The following ACTA2 variants were observed in gnomAD, a reference collection of about 807,000 sequenced individuals.
ACTA2 encodes the protein actin, aortic smooth muscle.
Under a neutral mutation model 39.5 loss-of-function variants are expected in ACTA2, and 12 were observed. The ratio of observed to expected loss-of-function variants is 0.30; its 90% CI spans 0.19 to 0.49. ACTA2 has a LOEUF of 0.49. Ranked by LOEUF, ACTA2 falls within the 20% of genes least tolerant of loss-of-function variation. The pLI is 0.99. For missense variants in ACTA2, 236 were observed against 498.8 expected (o/e 0.47, Z 5.02); for synonymous variants, 158 against 180.6 (o/e 0.88, Z 1.00).
chr10:88,979,520 A>G (rs1160013889), intron 1 of ACTA2, among the ~76,000 whole-genome samples: 3 of 152,202 alleles, frequency 2.0e-5, no homozygotes, highest in Non-Finnish European at 2.9e-5. Context: ...AGGCAGCAAT[A>G]ACCCTAATGA....
intron 1 of ACTA2, among the ~76,000 whole-genome samples, chr10:88,965,118 AT>A (rs547627526): frequency 6.6e-6 from 1 of 152,084 alleles, no homozygotes; most frequent in Non-Finnish European, 1.5e-5. Flanking sequence ...TCTTAGATGC[AT>A]TTTTTCTACA....
Position 88,962,912 on chromosome 10 carries a change from CATATAT to C in ACTA2, c.-23-13965_-23-13960del, listed in dbSNP as rs60878394. On this transcript the variant is annotated intron_variant, in intron 1 of 4. Transcript: ENST00000415557. Reference sequence around the variant, plus strand: ...AGAGAGTGAGTGCAGGGGAATGCCCCATATATATATATATATATATATATATATATA... The same window carrying C: ...AGAGAGTGAGTGCAGGGGAATGCCCCATATATATATATATATATATATATA... Among the ~76,000 whole-genome samples, 83 of 101,480 alleles carry C rather than the reference CATATAT, an allele frequency of 8.2e-4. 2 individuals are homozygous for C. The highest frequency in any genetic ancestry group is 1.2e-3 in the Non-Finnish European group (59 of 50,072). 66.6% of individuals were successfully genotyped at this position (101,480 alleles called of 152,430 possible). A position where few individuals can be genotyped will look rare whatever the true frequency, so the allele number is the denominator to read the frequency against.
At chr10:88,960,738 T>G (rs1391773950) in intron 1 of ACTA2, among the ~76,000 whole-genome samples, 1 of 150,316 alleles carries the variant, frequency 6.7e-6, no homozygotes, top group African/African-American at 2.4e-5. Flanking sequence ...TGACAAACAT[T>G]CACTAAGTCG....
intron 3 of ACTA2, among the ~76,000 whole-genome samples, chr10:88,946,208 G>C (rs7078383): frequency 0.22 from 33,214 of 150,942 alleles, 4,370 homozygotes; most frequent in African/African-American, 0.38. Flanking sequence ...CTCGAATGAT[G>C]CTACCACCTC....
At chr10:88,991,158 T>A (rs1847175118) in exon 1 of ACTA2, 1 of 594,282 alleles carries the variant, frequency 1.7e-6, no homozygotes, top group East Asian at 2.8e-5. Context: ...CTGACCCCGC[T>A]GGGCAGGCGG....
chr10:88,938,539 C>G (rs1306338514), intron 7 of ACTA2: 1 of 385,014 alleles, frequency 2.6e-6, no homozygotes, highest in African/African-American at 2.1e-5. Context: ...GGGATGAAGC[C>G]TTCCAATTCC....
At chr10:88,964,866 CT>C (rs1345776786) in intron 1 of ACTA2, among the ~76,000 whole-genome samples, 1 of 152,128 alleles carries the variant, frequency 6.6e-6, no homozygotes, top group Non-Finnish European at 1.5e-5. Flanking sequence ...TTGTAACTTT[CT>C]TTTGCCCGCC....
chr10:88,941,722 A>G, intron 5 of ACTA2, 63 bp downstream of exon 5: 1 of 1,451,254 alleles, frequency 6.9e-7, no homozygotes. Flanking sequence ...CGTGTTAACG[A>G]CCATTCAATC....
intron 5 of ACTA2, 37 bp downstream of exon 5, chr10:88,941,748 C>T (rs777366519): frequency 2.7e-5 from 42 of 1,570,190 alleles, no homozygotes; most frequent in Admixed American, 3.5e-5. Flanking sequence ...TCTGGCAGTG[C>T]GCTCCAACCA....
chr10:88,956,050 G>A (rs116006328), upstream of ACTA2, among the ~76,000 whole-genome samples: 79 of 152,206 alleles, frequency 5.2e-4, no homozygotes, highest in African/African-American at 1.7e-3. Context: ...TATTATTGTC[G>A]GATGCTCCAT....
chr10:88,968,437 A>G (rs1374007333), intron 1 of ACTA2, among the ~76,000 whole-genome samples: 1 of 152,188 alleles, frequency 6.6e-6, no homozygotes, highest in East Asian at 1.9e-4. Flanking sequence ...TCCTGAATCC[A>G]TGACAACAAT....
intron 1 of ACTA2, among the ~76,000 whole-genome samples, chr10:88,971,829 C>G (rs1368176719): frequency 1.3e-5 from 2 of 151,950 alleles, no homozygotes; most frequent in African/African-American, 4.8e-5. Context: ...TGATGGTGAG[C>G]AGATCTACAG....
intron 6 of ACTA2, chr10:88,940,050 A>G (rs1164491952): frequency 6.4e-6 from 2 of 313,020 alleles, no homozygotes; most frequent in Admixed American, 9.1e-5. Context: ...TGTTATAATT[A>G]TTTTATGACA....
chr10:88,945,058 A>T (rs1024726885), intron 3 of ACTA2, among the ~76,000 whole-genome samples: 22 of 152,224 alleles, frequency 1.4e-4, no homozygotes, highest in African/African-American at 5.1e-4. Context: ...AAAGCAGCAG[A>T]CTGCTCAAAA....
intron 1 of ACTA2, among the ~76,000 whole-genome samples, chr10:88,988,216 A>G (rs576829046): frequency 2.1e-4 from 32 of 152,336 alleles, no homozygotes; most frequent in African/African-American, 7.7e-4. Flanking sequence ...AGTTTTTCTA[A>G]AGACAACTTG....
chr10:88,984,931 C>T (rs148101863), intron 1 of ACTA2, among the ~76,000 whole-genome samples: 1 of 152,164 alleles, frequency 6.6e-6, no homozygotes, highest in African/African-American at 2.4e-5. Context: ...TGTTAGGCTG[C>T]AGGCAGTGCT....
chr10:88,962,967 ATATATATAT>A (rs1192451661), intron 1 of ACTA2, among the ~76,000 whole-genome samples: 13 of 73,778 alleles, frequency 1.8e-4, no homozygotes, highest in African/African-American at 2.8e-4. Flanking sequence ...ATATATATAT[ATATATATAT>A]AATATTTTTT....
At chr10:88,978,088 T>G (rs1233770815) in intron 1 of ACTA2, among the ~76,000 whole-genome samples, 1 of 68,990 alleles carries the variant, frequency 1.4e-5, no homozygotes, top group African/African-American at 5.7e-5. Context: ...GATGAGTTCA[T>G]GTCCTTTGTA....
chr10:88,990,583 G>A lies in ACTA2; in HGVS notation c.-24+356C>T. On this transcript the variant is annotated intron_variant, in intron 1 of 4. Coordinates refer to the ACTA2 transcript ENST00000415557. This position sits in a 1 kb window ranked among gnomAD's most constrained non-coding sequence, Gnocchi z 4.9. Reference sequence around the variant, plus strand: ...AATCAATGGAGCCCTCCCCAACCCGGGCGTTCCCCAGCGAGGCTTCCTTCC... The same window carrying A: ...AATCAATGGAGCCCTCCCCAACCCGAGCGTTCCCCAGCGAGGCTTCCTTCC... 1 of 666,436 alleles carries A rather than the reference G, an allele frequency of 1.5e-6. No homozygotes were observed. The highest frequency in any genetic ancestry group is 1.5e-5 in the South Asian group (1 of 66,362). 41.3% of individuals were successfully genotyped at this position (666,436 alleles called of 1,614,324 possible). A position where few individuals can be genotyped will look rare whatever the true frequency, so the allele number is the denominator to read the frequency against.
Sources: gnomAD v4.1 joint callset for allele counts (sites outside exome capture counted in the v4.1 genomes callset) on GRCh38, gnomAD v4.1.1 for gene constraint, Gnocchi (gnomAD v3.1) non-coding constraint, MANE v1.5 for transcripts, NCBI Gene and HGNC (gene_info 2026-07-23, HGNC 2026-07-21) for gene names.